Variants in GATAD2A observed in about 807,000 individuals in gnomAD.
The protein encoded by GATAD2A is transcriptional repressor p66-alpha.
A neutral mutation model predicts 68.5 loss-of-function variants in GATAD2A; 12 were observed. The observed-to-expected ratio is 0.18, with a 90% CI of 0.11 to 0.28. The LOEUF (loss-of-function observed/expected upper bound fraction) is 0.28, where lower values mean the gene tolerates loss of function less well. Among genes scored for constraint, GATAD2A ranks in the 10% least tolerant of loss-of-function variants. The pLI is 1.00. For synonymous variants in GATAD2A, 410 were observed against 375.3 expected (o/e 1.09, Z -1.07); for missense variants, 755 against 868.5 (o/e 0.87, Z 1.64).
intron 1 of GATAD2A, among the ~76,000 whole-genome samples, chr19:19,412,445 G>A (rs191862420): frequency 3.3e-5 from 5 of 151,888 alleles, no homozygotes; most frequent in East Asian, 1.9e-4. Context: ...GTGAGCCACC[G>A]TGCCCGGCCG....
chr19:19,487,577 G>T (rs1432687123), intron 2 of GATAD2A, among the ~76,000 whole-genome samples: 2 of 152,006 alleles, frequency 1.3e-5, no homozygotes, highest in African/African-American at 4.8e-5. Context: ...GCTCTGGGGG[G>T]TTTCTGCTCA....
intron 1 of GATAD2A, among the ~76,000 whole-genome samples, chr19:19,447,144 A>G (rs912032325): frequency 1.2e-4 from 19 of 152,200 alleles, no homozygotes; most frequent in Non-Finnish European, 2.1e-4. Context: ...GTGATGAGGC[A>G]GGAAAGGGGA....
intron 1 of GATAD2A, among the ~76,000 whole-genome samples, chr19:19,394,001 C>T (rs1000056077): frequency 6.6e-6 from 1 of 151,996 alleles, no homozygotes; most frequent in African/African-American, 2.4e-5. Context: ...ATTCTCCTAC[C>T]TCAGCCTCCC....
chr19:19,463,851 C>T (rs938180487), intron 1 of GATAD2A, among the ~76,000 whole-genome samples: 1 of 152,226 alleles, frequency 6.6e-6, no homozygotes, highest in African/African-American at 2.4e-5. Flanking sequence ...TGTAGACGGC[C>T]TGCTTTCCCT....
intron 1 of GATAD2A, among the ~76,000 whole-genome samples, chr19:19,452,801 C>A (rs994678961): frequency 6.6e-6 from 1 of 152,184 alleles, no homozygotes; most frequent in Non-Finnish European, 1.5e-5. Context: ...TATAGGTTAC[C>A]TGCCTGTCCA....
chr19:19,407,636 C>T (rs567675222), intron 1 of GATAD2A, among the ~76,000 whole-genome samples: 8 of 152,206 alleles, frequency 5.3e-5, no homozygotes, highest in Non-Finnish European at 1.2e-4. Flanking sequence ...ATCCAGGGCA[C>T]CTCTGTTTGC....
intron 1 of GATAD2A, among the ~76,000 whole-genome samples, chr19:19,461,775 G>A (rs557226823): frequency 6.6e-5 from 10 of 152,358 alleles, no homozygotes; most frequent in Middle Eastern, 3.4e-3. Context: ...CTTGCAGTCC[G>A]GCCTGGGGTG....
intron 2 of GATAD2A, among the ~76,000 whole-genome samples, chr19:19,471,622 C>G (rs1319804837): frequency 1.3e-5 from 2 of 152,160 alleles, no homozygotes; most frequent in Non-Finnish European, 2.9e-5. Context: ...TTACTGAAAT[C>G]ATTGAATGGT....
At chr19:19,428,468 A>G (rs571682948) in intron 1 of GATAD2A, among the ~76,000 whole-genome samples, 39 of 152,300 alleles carry the variant, frequency 2.6e-4, no homozygotes, top group Admixed American at 7.2e-4. Flanking sequence ...CTGGGTTCTC[A>G]GGATGGTCTG....
intron 1 of GATAD2A, among the ~76,000 whole-genome samples, chr19:19,421,193 C>T (rs2052376357): frequency 6.6e-6 from 1 of 151,988 alleles, no homozygotes; most frequent in Non-Finnish European, 1.5e-5. Context: ...TTAGTGCTGG[C>T]ATAGGGGTTA....
chr19:19,503,824 C>G (rs2060704825), intron 11 of GATAD2A, among the ~76,000 whole-genome samples: 1 of 152,168 alleles, frequency 6.6e-6, no homozygotes, highest in Admixed American at 6.5e-5. Flanking sequence ...TGCCAGGTTT[C>G]TGGAGTGCTG....
At chr19:19,463,368 A>G (rs1483873320) in intron 1 of GATAD2A, among the ~76,000 whole-genome samples, 1 of 152,154 alleles carries the variant, frequency 6.6e-6, no homozygotes, top group East Asian at 1.9e-4. Context: ...GGAAGGAAGG[A>G]CAGAGACCAT....
intron 1 of GATAD2A, among the ~76,000 whole-genome samples, chr19:19,419,528 T>C (rs2052082401): frequency 6.6e-6 from 1 of 150,716 alleles, no homozygotes; most frequent in Non-Finnish European, 1.5e-5. Context: ...TTTTTTTTTT[T>C]TTTTTTAAGA....
chr19:19,449,277 G>GCT (rs2056105970), intron 1 of GATAD2A, among the ~76,000 whole-genome samples: 1 of 152,166 alleles, frequency 6.6e-6, no homozygotes, highest in African/African-American at 2.4e-5. Context: ...AAACAGCTTT[G>GCT]CTCTGCACAG....
intron 2 of GATAD2A, among the ~76,000 whole-genome samples, chr19:19,469,431 CA>C (rs56310236): frequency 7.6e-6 from 1 of 132,194 alleles, no homozygotes. Flanking sequence ...GACTCCATCT[CA>C]AAAAAAAAGA....
rs181014106 is a variant in GATAD2A, at chr19:19,485,359, C to T, written c.270-6947C>T. 2.5e-3 allele frequency among the ~76,000 whole-genome samples: 378 copies of T among 152,306 alleles called. 2 individuals carry two copies. Among genetic ancestry groups the T allele is most frequent in the Middle Eastern group, 3.4e-3 (1 of 294 alleles). On this transcript the variant is annotated intron_variant, in intron 2 of 11. Coordinates refer to ENST00000683918, the MANE Select transcript of GATAD2A (RefSeq NM_001384528.1). ...TTGGCTGGTCCCGCCCAGCTGGGCA[C>T]TGTTGCTGGGGCCCTCTGGTCTTTG...
chr19:19,416,750 G>GT (rs907079941), intron 1 of GATAD2A, among the ~76,000 whole-genome samples: 69 of 146,630 alleles, frequency 4.7e-4, no homozygotes, highest in South Asian at 3.9e-3. Flanking sequence ...ACTCTTGGTT[G>GT]TTTTTTTTTT....
chr19:19,410,072 C>T (rs1017913895), intron 1 of GATAD2A, among the ~76,000 whole-genome samples: 2 of 152,194 alleles, frequency 1.3e-5, no homozygotes, highest in African/African-American at 4.8e-5. Flanking sequence ...TGCACAGTTG[C>T]CAGGGCCCCT....
At chr19:19,462,461 C>T (rs1415470788) in intron 1 of GATAD2A, among the ~76,000 whole-genome samples, 1 of 152,256 alleles carries the variant, frequency 6.6e-6, no homozygotes, top group Non-Finnish European at 1.5e-5. Context: ...GGGCCCCGCC[C>T]CGCAGTGGCC....
Sources: allele counts gnomAD v4.1 joint callset (sites outside exome capture counted in the v4.1 genomes callset), GRCh38; gene constraint gnomAD v4.1.1; transcripts MANE v1.5; gene names NCBI Gene and HGNC (gene_info 2026-07-23, HGNC 2026-07-21).